FMO3: variants seen among roughly 807,000 people sequenced by gnomAD.
FMO3 encodes the protein flavin-containing monooxygenase 3.
Under a neutral mutation model 39.4 loss-of-function variants are expected in FMO3, and 40 were observed. That is an observed-to-expected ratio of 1.02 (90% CI 0.79 to 1.32). FMO3 has a LOEUF of 1.32. Among genes scored for constraint, FMO3 ranks in the 40% most tolerant of loss-of-function variants. The pLI, the probability that FMO3 is intolerant of heterozygous loss-of-function variation, is 0.00. For missense variants in FMO3, 680 were observed against 651.8 expected (o/e 1.04, Z -0.47); for synonymous variants, 219 against 228.8 (o/e 0.96, Z 0.39).
At position 171,096,376 on chromosome 1, in the gene FMO3, TTATATA is replaced by T. The variant is rs202101794; in HGVS notation, c.132+3590_132+3595del. Among the ~76,000 whole-genome samples the T allele has an allele frequency of 2.7e-4, 26 of 95,948 alleles. No individual in the cohort carries two copies. The Admixed American group carries it at 4.2e-3, about 16-fold the overall frequency. 62.9% of individuals were successfully genotyped at this position (95,948 alleles called of 152,430 possible). On this transcript the variant is annotated intron_variant, in intron 2 of 8. Transcript: ENST00000367755. ...ATATATAAAAATATATATATTATAATTATATATATGTTATATATAATTACATATATA... is the reference window on the plus strand; with the variant it reads ...ATATATAAAAATATATATATTATAATTATGTTATATATAATTACATATATA...
chr1:171,096,049 A>G (rs1448266416), intron 2 of FMO3, among the ~76,000 whole-genome samples: 5 of 47,432 alleles, frequency 1.1e-4, no homozygotes, highest in Admixed American at 4.8e-4. Context: ...ATTATATATA[A>G]ATATATAATA....
chr1:171,106,741 A>T (rs1050487879), intron 3 of FMO3, among the ~76,000 whole-genome samples: 9 of 152,198 alleles, frequency 5.9e-5, no homozygotes, highest in Non-Finnish European at 8.8e-5. Flanking sequence ...TAGAATTCAT[A>T]GCAATATAAA....
intron 7 of FMO3, 151 bp from the exon 8 acceptor site, chr1:171,116,057 G>T (rs1287410277): frequency 3.4e-6 from 2 of 581,568 alleles, no homozygotes; most frequent in Non-Finnish European, 6.3e-6. Flanking sequence ...TGACAAATAT[G>T]AGTTCTGAGA....
rs1432248796 is a variant in FMO3, at chr1:171,114,337, C to G, written c.1158C>G (p.Ser386=). ...GAAIPTVDLQ[S]RWAAQVIKGT... is the part of the protein sequence containing the mutation. ...CCATTCCCACAGTTGACCTCCAGTC[C>G]CGCTGGGCAGCACAAGTAATAAAGG... Residue 386 remains serine, a synonymous_variant, in exon 7 of 9, where the codon TCC becomes TCG. Transcript: ENST00000367755. 1.2e-6 allele frequency: 2 copies of G among 1,613,496 alleles called. No homozygotes were observed. Among genetic ancestry groups the G allele is most frequent in the Non-Finnish European group, 1.7e-6 (2 of 1,179,650 alleles).
intron 2 of FMO3, 107 bp from the exon 3 acceptor site, chr1:171,103,678 C>T (rs1655508585): frequency 6.4e-6 from 6 of 933,300 alleles, no homozygotes; most frequent in African/African-American, 1.6e-5. Flanking sequence ...GGTCCTGGAA[C>T]CTTCCATAGA....
Position 171,116,219 on chromosome 1 carries a change from T to C in FMO3, c.1195T>C (p.Leu399=). Residue 399 remains leucine, a synonymous_variant, in exon 8 of 9, where the codon TTG becomes CTG. Coordinates refer to ENST00000367755, the MANE Select transcript of FMO3 (RefSeq NM_001002294.3). ...AAQVIKGTCT[L]PSMEDMMNDI... is the part of the protein sequence containing the mutation. ...TCCTTCTTTATCAGGAACTTGTACT[T>C]TGCCTTCTATGGAAGACATGATGAA... 1 of 1,604,158 alleles carries C rather than the reference T, an allele frequency of 6.2e-7. No individual in the cohort carries two copies.
intron 2 of FMO3, among the ~76,000 whole-genome samples, chr1:171,097,516 T>C (rs1226513912): frequency 7.9e-6 from 1 of 127,108 alleles, no homozygotes; most frequent in Non-Finnish European, 1.6e-5. Context: ...CATTTTGGTT[T>C]TGATTTGCAT....
chr1:171,114,490 C>T (rs1656059684), intron 7 of FMO3, 128 bp downstream of exon 7: 1 of 719,304 alleles, frequency 1.4e-6, no homozygotes, highest in African/African-American at 1.8e-5. Context: ...ATTCTATATT[C>T]TTTAGTGCTA....
At position 171,092,864 on chromosome 1, in the gene FMO3, G is replaced by T. The variant is rs28363525; in HGVS notation, c.132+74G>T. The T allele has an allele frequency of 6.2e-4, 931 of 1,491,570 alleles. 2 individuals are homozygous for T. In the African/African-American group the frequency reaches 0.011, roughly 17 times the overall value. The allele number at this position is 1,491,570 out of a possible 1,614,324, so 92.4% of individuals were successfully genotyped here. On this transcript the variant is annotated intron_variant, in intron 2 of 8. Coordinates refer to ENST00000367755, the MANE Select transcript of FMO3 (RefSeq NM_001002294.3). ...ATAAGAGCACACTGTGTGCACACAGGTTTCCAAACCTGCTACCATGGCAGT... is the reference window on the plus strand; with the variant it reads ...ATAAGAGCACACTGTGTGCACACAGTTTTCCAAACCTGCTACCATGGCAGT...
chr1:171,100,896 A>G (rs1655349853), intron 2 of FMO3: 1 of 280,300 alleles, frequency 3.6e-6, no homozygotes, highest in East Asian at 7.8e-5. Context: ...TTAAGTTAAA[A>G]ATCTTAAGAT....
At chr1:171,112,567 A>T (rs1235750182) in intron 6 of FMO3, among the ~76,000 whole-genome samples, 1 of 152,188 alleles carries the variant, frequency 6.6e-6, no homozygotes, top group Non-Finnish European at 1.5e-5. Context: ...TGTCTTCAAG[A>T]TATTTGAAAA....
At chr1:171,098,227 T>A (rs1009113800) in intron 2 of FMO3, among the ~76,000 whole-genome samples, 1 of 152,232 alleles carries the variant, frequency 6.6e-6, no homozygotes, top group Non-Finnish European at 1.5e-5. Flanking sequence ...GGTAGTGTGA[T>A]GCCTCCAGCT....
In FMO3 at chr1:171,092,679, C is replaced by G. The variant is rs769708532; in HGVS notation, c.21C>G (p.Ile7Met). ...TTACCATGGGGAAGAAAGTGGCCATCATTGGAGCTGGTGTGAGTGGCTTGG... is the reference window on the plus strand; with the variant it reads ...TTACCATGGGGAAGAAAGTGGCCATGATTGGAGCTGGTGTGAGTGGCTTGG... MGKKVA[I>M]IGAGVSGLAS... Residue 7 changes from isoleucine (I) to methionine (M), a missense_variant, in exon 2 of 9, where the codon ATC (isoleucine) becomes ATG (methionine). Ile to Met is a conservative substitution (Grantham distance 10). Transcript: ENST00000367755. 14 of 1,614,046 alleles carry G rather than the reference C, an allele frequency of 8.7e-6. No individual in the cohort carries two copies. Among genetic ancestry groups the G allele is most frequent in the East Asian group, 2.2e-5 (1 of 44,898 alleles).
rs199766869 is a variant in FMO3, at chr1:171,103,880, T to C, written c.228T>C (p.Asp76=). Residue 76 remains aspartate, a synonymous_variant, in exon 3 of 9, where the codon GAT becomes GAC. Coordinates refer to ENST00000367755, the MANE Select transcript of FMO3 (RefSeq NM_001002294.3). ...MMCFPDFPFP[D]DFPNFMHNSK... is the part of the protein sequence containing the mutation. ...GTTTCCCAGACTTCCCATTTCCCGA[T>C]GACTTCCCCAACTTTATGCACAACA... 10 of 1,613,828 alleles carry C rather than the reference T, an allele frequency of 6.2e-6. No homozygotes were observed. Among genetic ancestry groups the C allele is most frequent in the Non-Finnish European group, 8.5e-6 (10 of 1,179,868 alleles).
Position 171,114,056 on chromosome 1 carries a change from C to G in FMO3, c.877C>G (p.Leu293Val), listed in dbSNP as rs770665982. 1.2e-6 allele frequency: 2 copies of G among 1,612,566 alleles called. No individual in the cohort carries two copies. The highest frequency in any genetic ancestry group is 1.7e-6 in the Non-Finnish European group (2 of 1,179,134). Residue 293 changes from leucine (L) to valine (V), a missense_variant, in exon 7 of 9, where the codon CTG (leucine) becomes GTG (valine). By Grantham distance (32) the Leu-to-Val change is conservative. Transcript: ENST00000367755. ...TAACGATGAGCTCCCAGCAAGCATT[C>G]TGTGTGGCATTGTGTCCGTAAAGCC... ...VFNDELPASI[L>V]CGIVSVKPNV... is the part of the protein sequence containing the mutation.
At chr1:171,104,744 C>T (rs184532548) in intron 3 of FMO3, among the ~76,000 whole-genome samples, 2 of 152,096 alleles carry the variant, frequency 1.3e-5, no homozygotes, top group Non-Finnish European at 2.9e-5. Context: ...TGTGGTGGCA[C>T]ATGCCTGTGG....
chr1:171,099,050 C>T (rs2204791), intron 2 of FMO3, among the ~76,000 whole-genome samples: 52,041 of 151,834 alleles, frequency 0.34, 9,595 homozygotes, highest in South Asian at 0.47. Context: ...TATCAATTTC[C>T]CTCTACACAC....
intron 2 of FMO3, among the ~76,000 whole-genome samples, chr1:171,096,025 A>AC (rs1491256935): frequency 6.5e-5 from 3 of 45,972 alleles, no homozygotes; most frequent in African/African-American, 2.0e-4. Flanking sequence ...ATTATATATT[A>AC]ATATATAATA....
intron 3 of FMO3, among the ~76,000 whole-genome samples, chr1:171,105,265 T>C (rs955983814): frequency 1.3e-5 from 2 of 152,174 alleles, no homozygotes; most frequent in Non-Finnish European, 2.9e-5. Flanking sequence ...AAATGAGATA[T>C]GATTTCCAAA....
Sources: gnomAD v4.1 joint callset for allele counts (sites outside exome capture counted in the v4.1 genomes callset) on GRCh38, gnomAD v4.1.1 for gene constraint, MANE v1.5 for transcripts, NCBI Gene and HGNC (gene_info 2026-07-23, HGNC 2026-07-21) for gene names.